The following NBEA variants were observed in gnomAD, a reference collection of about 807,000 sequenced individuals.
NBEA encodes neurobeachin.
A neutral mutation model predicts 343.4 loss-of-function variants in NBEA; 44 were observed. The observed-to-expected ratio is 0.13, with a 90% CI of 0.10 to 0.16. NBEA has a LOEUF of 0.16. Among genes scored for constraint, NBEA ranks in the 10% least tolerant of loss-of-function variants. The pLI is 1.00. For synonymous variants in NBEA, 1,175 were observed against 1,238.7 expected, an observed-to-expected ratio of 0.95 and a Z score of 1.08; for missense variants, 2,555 against 3,631.3, an observed-to-expected ratio of 0.70 and a Z score of 7.62.
intron 1 of NBEA, among the ~76,000 whole-genome samples, chr13:34,985,112 G>A (rs1333875720): frequency 2.6e-5 from 4 of 150,980 alleles, no homozygotes; most frequent in African/African-American, 9.7e-5. Context: ...TCCTTGTCTT[G>A]TGCCAGTTTT....
In NBEA at chr13:35,156,090, T is replaced by C. The variant is rs776007125; in HGVS notation, c.2535T>C (p.Leu845=). The C allele has an allele frequency of 6.3e-7, 1 of 1,580,132 alleles. No individual in the cohort carries two copies. The highest frequency in any genetic ancestry group is 1.4e-5 in the African/African-American group (1 of 73,038). ...TTTTTTCTTTGTTTACAGTGATTCT[T>C]AAAGTGGTGGCAACTTTGTTAAAAA... ...STVKIQNPMI[L]KVVATLLKNS... The change falls in exon 20 of 59, where the codon CTT becomes CTC. Residue 845 remains leucine, a synonymous_variant. Coordinates refer to ENST00000379939, the MANE Select transcript of NBEA (RefSeq NM_001385012.1).
At chr13:34,946,880 A>C (rs2059201196) in intron 1 of NBEA, among the ~76,000 whole-genome samples, 1 of 149,260 alleles carries the variant, frequency 6.7e-6, no homozygotes, top group Non-Finnish European at 1.5e-5. Flanking sequence ...ATATGGCAGT[A>C]ACTCTTCTTC....
chr13:34,959,968 A>G lies in NBEA; in HGVS notation c.294+16854A>G, dbSNP rs1447112968. Among the ~76,000 whole-genome samples, 6 of 152,284 alleles carry G rather than the reference A, an allele frequency of 3.9e-5. No individual in the cohort carries two copies. The East Asian group carries it at 1.2e-3, about 29-fold the overall frequency. On this transcript the variant is annotated intron_variant, in intron 1 of 58. Coordinates refer to ENST00000379939, the MANE Select transcript of NBEA (RefSeq NM_001385012.1). Reference sequence around the variant, plus strand: ...ATGTATTTGCTATACTGTACTTTTTATCATTATTTTAGCAAGAACTCAAGC... The same window carrying G: ...ATGTATTTGCTATACTGTACTTTTTGTCATTATTTTAGCAAGAACTCAAGC...
intron 48 of NBEA, among the ~76,000 whole-genome samples, chr13:35,623,380 C>T (rs952414506): frequency 1.3e-5 from 2 of 152,022 alleles, no homozygotes; most frequent in African/African-American, 2.4e-5. Context: ...AGCTAATGTT[C>T]CATTCTTAGA....
At chr13:34,947,024 A>G (rs2059206340) in intron 1 of NBEA, among the ~76,000 whole-genome samples, 1 of 151,844 alleles carries the variant, frequency 6.6e-6, no homozygotes, top group Admixed American at 6.6e-5. Flanking sequence ...TCTTAGAATC[A>G]TGGAGGTCCT....
intron 53 of NBEA, among the ~76,000 whole-genome samples, chr13:35,653,671 T>G (rs1447922451): frequency 6.6e-6 from 1 of 152,196 alleles, no homozygotes; most frequent in Non-Finnish European, 1.5e-5. Flanking sequence ...TCTTTGAACC[T>G]GGAAATAAGA....
At chr13:35,012,776 TTTAA>T (rs1171958129) in intron 1 of NBEA, among the ~76,000 whole-genome samples, 63 of 152,240 alleles carry the variant, frequency 4.1e-4, no homozygotes, top group African/African-American at 1.4e-3. Flanking sequence ...GTATATCATC[TTTAA>T]TTAGTGCCTT....
intron 41 of NBEA, chr13:35,476,086 T>C: frequency 6.2e-7 from 1 of 1,614,208 alleles, no homozygotes; most frequent in South Asian, 1.1e-5. Context: ...TTGGCATTTT[T>C]CGTTGTAGTA....
At chr13:35,379,276 G>A (rs1389316511) in intron 38 of NBEA, among the ~76,000 whole-genome samples, 2 of 152,010 alleles carry the variant, frequency 1.3e-5, no homozygotes, top group Non-Finnish European at 1.5e-5. Flanking sequence ...ATGATGTATT[G>A]CCTTATAGTG....
chr13:35,519,285 A>C (rs2077602430), intron 41 of NBEA, among the ~76,000 whole-genome samples: 1 of 152,178 alleles, frequency 6.6e-6, no homozygotes, highest in South Asian at 2.1e-4. Flanking sequence ...ATACTCATAC[A>C]AAAAAATGAT....
intron 6 of NBEA, among the ~76,000 whole-genome samples, chr13:35,053,296 C>T (rs2078144124): frequency 6.6e-6 from 1 of 152,078 alleles, no homozygotes; most frequent in South Asian, 2.1e-4. Context: ...GTTTTTCCTG[C>T]TAAACCTACA....
intron 18 of NBEA, among the ~76,000 whole-genome samples, chr13:35,148,680 G>A (rs1180011125): frequency 3.9e-5 from 6 of 151,976 alleles, no homozygotes; most frequent in Admixed American, 1.3e-4. Flanking sequence ...TAGTTTTCTT[G>A]TCCAGCTTTT....
At chr13:35,604,836 G>C (rs34474376) in intron 47 of NBEA, among the ~76,000 whole-genome samples, 4 of 151,912 alleles carry the variant, frequency 2.6e-5, no homozygotes. Context: ...TTTCATCTTA[G>C]CCATGCTCCA....
chr13:35,662,999 G>T (rs111723077), intron 55 of NBEA, among the ~76,000 whole-genome samples: 2,198 of 152,092 alleles, frequency 0.014, 10 homozygotes, highest in Middle Eastern at 0.027. Context: ...AATTTTTATG[G>T]ATACATAATA....
chr13:34,991,987 T>TC (rs1209851813), intron 1 of NBEA, among the ~76,000 whole-genome samples: 2 of 150,610 alleles, frequency 1.3e-5, no homozygotes, highest in Non-Finnish European at 3.0e-5. Flanking sequence ...TTTTTTTTTT[T>TC]CCTGATGAGA....
At chr13:34,970,730 C>T (rs2059971704) in intron 1 of NBEA, among the ~76,000 whole-genome samples, 1 of 151,786 alleles carries the variant, frequency 6.6e-6, no homozygotes, top group African/African-American at 2.4e-5. Flanking sequence ...TTCTGTTGAT[C>T]TGTGTGTCTG....
chr13:35,665,297 C>A (rs2085298603), intron 56 of NBEA, 111 bp downstream of exon 56: 2 of 770,326 alleles, frequency 2.6e-6, no homozygotes, highest in Non-Finnish European at 2.1e-6. Context: ...CAAATGGTAT[C>A]CCAAAGTTAT....
intron 1 of NBEA, among the ~76,000 whole-genome samples, chr13:35,000,788 T>C (rs959855618): frequency 2.0e-5 from 3 of 150,980 alleles, no homozygotes; most frequent in Non-Finnish European, 2.9e-5. Context: ...TCACATATTA[T>C]TGTTTTTTTA....
At position 35,545,267 on chromosome 13, in the gene NBEA, G is replaced by C. The variant is rs1015314951; in HGVS notation, c.6586-5210G>C. Among the ~76,000 whole-genome samples, 5 of 152,236 alleles carry C rather than the reference G, an allele frequency of 3.3e-5. No individual in the cohort carries two copies. In the East Asian group the frequency reaches 9.7e-4, roughly 29 times the overall value. On this transcript the variant is annotated intron_variant, in intron 41 of 58. Coordinates refer to ENST00000379939, the MANE Select transcript of NBEA (RefSeq NM_001385012.1). ...CCTTTACATTTATGAAAGTTATACA[G>C]ATTGATTAACTCATCACTTGCCTGA...
Sources: gnomAD v4.1 joint callset for allele counts (sites outside exome capture counted in the v4.1 genomes callset) on GRCh38, gnomAD v4.1.1 for gene constraint, MANE v1.5 for transcripts, NCBI Gene and HGNC (gene_info 2026-07-23, HGNC 2026-07-21) for gene names.